The following RHOBTB1 variants were observed in gnomAD, a reference collection of about 807,000 sequenced individuals.
RHOBTB1 encodes rho-related BTB domain-containing protein 1.
RHOBTB1 carries 40 observed loss-of-function variants against 71.6 expected under a neutral mutation model. The observed-to-expected ratio is 0.56, with a 90% confidence interval of 0.43 to 0.73. The LOEUF (loss-of-function observed/expected upper bound fraction) is 0.73. Among genes scored for constraint, RHOBTB1 ranks in the 30% least tolerant of loss-of-function variants. The pLI, the probability that RHOBTB1 is intolerant of heterozygous loss-of-function variation, is 0.00. For missense variants in RHOBTB1, 797 were observed against 894.0 expected, an observed-to-expected ratio of 0.89 and a Z score of 1.38; for synonymous variants, 319 against 334.9, an observed-to-expected ratio of 0.95 and a Z score of 0.52.
At chr10:60,909,399 A>G (rs2082851881) in intron 4 of RHOBTB1, among the ~76,000 whole-genome samples, 1 of 152,148 alleles carries the variant, frequency 6.6e-6, no homozygotes, top group Non-Finnish European at 1.5e-5. Context: ...CTGTTGAAAT[A>G]GTCTCTAGAT....
At chr10:60,989,119 T>A (rs1281051630) in intron 1 of RHOBTB1, among the ~76,000 whole-genome samples, 7 of 152,188 alleles carry the variant, frequency 4.6e-5, no homozygotes, top group South Asian at 4.1e-4. Flanking sequence ...TTTTAGAAAA[T>A]ATTTTTTAAT....
intron 2 of RHOBTB1, among the ~76,000 whole-genome samples, chr10:60,949,621 G>A (rs1033962206): frequency 6.8e-6 from 1 of 148,082 alleles, no homozygotes; most frequent in East Asian, 2.0e-4. Flanking sequence ...TAGGTTTGCA[G>A]TCCAGTTATG....
chr10:60,875,504 A>G (rs2081010068), intron 8 of RHOBTB1, among the ~76,000 whole-genome samples: 1 of 152,172 alleles, frequency 6.6e-6, no homozygotes, highest in Admixed American at 6.5e-5. Flanking sequence ...GAGTGGCTCT[A>G]AACAGTCTAG....
chr10:60,905,038 A>G (rs2082595340), intron 4 of RHOBTB1, among the ~76,000 whole-genome samples: 1 of 152,114 alleles, frequency 6.6e-6, no homozygotes, highest in African/African-American at 2.4e-5. Context: ...TTTGCTATCT[A>G]TTTATAAAGT....
intron 2 of RHOBTB1, among the ~76,000 whole-genome samples, chr10:60,973,225 T>A (rs1051531494): frequency 1.1e-4 from 17 of 152,050 alleles, no homozygotes; most frequent in Non-Finnish European, 2.4e-4. Flanking sequence ...TCTCATCTGT[T>A]AAACACTCAC....
chr10:60,964,762 T>A (rs1374989400), intron 2 of RHOBTB1, among the ~76,000 whole-genome samples: 1 of 152,072 alleles, frequency 6.6e-6, no homozygotes, highest in East Asian at 1.9e-4. Context: ...TATGCGAAAA[T>A]TTCCAAACTG....
chr10:60,919,239 G>C (rs76302988), intron 2 of RHOBTB1, among the ~76,000 whole-genome samples: 2,724 of 152,240 alleles, frequency 0.018, 43 homozygotes, highest in Middle Eastern at 0.061. Flanking sequence ...AAGTAATTTA[G>C]CTCAGCCATT....
At chr10:60,988,166 C>T (rs1445530962) in intron 1 of RHOBTB1, among the ~76,000 whole-genome samples, 4 of 151,802 alleles carry the variant, frequency 2.6e-5, no homozygotes, top group African/African-American at 7.3e-5. Context: ...GACCTCCTGA[C>T]CTCGTGATCT....
At chr10:60,887,663 G>A (rs1322644430) in intron 6 of RHOBTB1, among the ~76,000 whole-genome samples, 1 of 152,202 alleles carries the variant, frequency 6.6e-6, no homozygotes, top group African/African-American at 2.4e-5. Context: ...GGAAACAGAT[G>A]AGACACCCCT....
At chr10:60,987,401 T>A (rs2086702027) in intron 1 of RHOBTB1, among the ~76,000 whole-genome samples, 1 of 152,304 alleles carries the variant, frequency 6.6e-6, no homozygotes, top group African/African-American at 2.4e-5. Flanking sequence ...TTAAAATCAG[T>A]GGCACTGCCA....
At chr10:60,939,254 A>T (rs1177952384) in intron 2 of RHOBTB1, among the ~76,000 whole-genome samples, 3 of 152,178 alleles carry the variant, frequency 2.0e-5, no homozygotes, top group Non-Finnish European at 4.4e-5. Flanking sequence ...ATCTGGAAAA[A>T]GTGGCAGTCA....
chr10:60,987,645 C>T (rs1020516585), intron 1 of RHOBTB1, among the ~76,000 whole-genome samples: 4 of 152,108 alleles, frequency 2.6e-5, no homozygotes, highest in Non-Finnish European at 4.4e-5. Context: ...CCCAGGTTTC[C>T]GGGTGCTTCT....
chr10:60,925,516 G>A (rs112239033), intron 2 of RHOBTB1, among the ~76,000 whole-genome samples: 7 of 151,940 alleles, frequency 4.6e-5, no homozygotes, highest in East Asian at 1.9e-4. Context: ...ATAATATATC[G>A]TAAAGAACTA....
intron 2 of RHOBTB1, among the ~76,000 whole-genome samples, chr10:60,923,746 C>T (rs576507386): frequency 1.4e-4 from 21 of 152,220 alleles, no homozygotes; most frequent in South Asian, 2.1e-4. Context: ...ATACTGTTCT[C>T]GGGATAGTGA....
chr10:60,975,404 C>T (rs1027980333), intron 2 of RHOBTB1, among the ~76,000 whole-genome samples: 3 of 152,016 alleles, frequency 2.0e-5, no homozygotes, highest in African/African-American at 7.2e-5. Context: ...TGCCCTTTTG[C>T]CTCTCTCTGT....
chr10:60,979,532 A>T (rs2086424785), intron 2 of RHOBTB1, among the ~76,000 whole-genome samples: 1 of 152,196 alleles, frequency 6.6e-6, no homozygotes, highest in Admixed American at 6.5e-5. Context: ...TATGGCTCTG[A>T]GGGAAAAGAA....
intron 2 of RHOBTB1, among the ~76,000 whole-genome samples, chr10:60,978,509 G>A (rs1317503532): frequency 6.6e-6 from 1 of 152,168 alleles, no homozygotes; most frequent in East Asian, 1.9e-4. Context: ...GGGAGAGAGA[G>A]TGGGTATGTT....
chr10:60,880,486 C>G (rs1191489815), intron 7 of RHOBTB1, among the ~76,000 whole-genome samples: 1 of 152,024 alleles, frequency 6.6e-6, no homozygotes, highest in East Asian at 1.9e-4. Flanking sequence ...AGAAAAATTC[C>G]TAGAAATAAT....
chr10:60,998,760 ACCAGAGGC>A (rs2087149354), intron 1 of RHOBTB1, among the ~76,000 whole-genome samples: 1 of 152,220 alleles, frequency 6.6e-6, no homozygotes. Context: ...GTGAAAGGAA[ACCAGAGGC>A]CCAGAGGGTT....
Sources: allele counts gnomAD v4.1 joint callset (sites outside exome capture counted in the v4.1 genomes callset), GRCh38; gene constraint gnomAD v4.1.1; transcripts MANE v1.5; gene names NCBI Gene and HGNC (gene_info 2026-07-23, HGNC 2026-07-21).